ADAMTS18: variants seen among roughly 807,000 people sequenced by gnomAD.
ADAMTS18 encodes the protein ADAM metallopeptidase with thrombospondin type 1 motif 18.
Under a neutral mutation model 165.9 loss-of-function variants are expected in ADAMTS18, and 157 were observed. The ratio of observed to expected loss-of-function variants is 0.95; its 90% CI spans 0.83 to 1.08. The LOEUF is 1.08. ADAMTS18 is among the 50% of genes least tolerant of loss of function. The pLI, the probability that ADAMTS18 is intolerant of heterozygous loss-of-function variation, is 0.00. For synonymous variants in ADAMTS18, 782 were observed against 578.2 expected (o/e 1.35, Z -5.06); for missense variants, 2,040 against 1,534.0 (o/e 1.33, Z -5.51).
intron 3 of ADAMTS18, among the ~76,000 whole-genome samples, chr16:77,417,931 G>A (rs145103513): frequency 2.8e-4 from 42 of 152,310 alleles, no homozygotes; most frequent in Admixed American, 5.2e-4. Flanking sequence ...GAATATAGAG[G>A]ACATTTAACT....
At chr16:77,434,007 A>T (rs1164801861) in intron 2 of ADAMTS18, among the ~76,000 whole-genome samples, 2 of 152,198 alleles carry the variant, frequency 1.3e-5, no homozygotes, top group African/African-American at 4.8e-5. Context: ...AAAAATGAGG[A>T]AAGATGGAGA....
chr16:77,325,072 G>T (rs1159508520), intron 13 of ADAMTS18, among the ~76,000 whole-genome samples: 4 of 152,114 alleles, frequency 2.6e-5, no homozygotes, highest in Admixed American at 2.6e-4. Context: ...ATTAATATAG[G>T]TTCATGTTGC....
intron 3 of ADAMTS18, among the ~76,000 whole-genome samples, chr16:77,372,898 C>A (rs1261942426): frequency 6.6e-6 from 1 of 152,182 alleles, no homozygotes; most frequent in Non-Finnish European, 1.5e-5. Flanking sequence ...CAACTTCTTC[C>A]ATTCACTCTG....
At chr16:77,389,997 C>G (rs2057163992) in intron 3 of ADAMTS18, among the ~76,000 whole-genome samples, 1 of 152,136 alleles carries the variant, frequency 6.6e-6, no homozygotes, top group African/African-American at 2.4e-5. Context: ...AATTCTACAA[C>G]TTGGAATAAA....
At chr16:77,375,732 G>A (rs544268947) in intron 3 of ADAMTS18, among the ~76,000 whole-genome samples, 2 of 152,282 alleles carry the variant, frequency 1.3e-5, no homozygotes, top group Non-Finnish European at 2.9e-5. Flanking sequence ...TTGCTATAAA[G>A]AACTACCTGA....
In ADAMTS18 at chr16:77,322,708, T is replaced by C. The variant is rs1205107051; in HGVS notation, c.2033-242A>G. Among the ~76,000 whole-genome samples, 11 of 152,218 alleles carry C rather than the reference T, an allele frequency of 7.2e-5. No homozygotes were observed. The East Asian group carries it at 1.2e-3, about 16-fold the overall frequency. On this transcript the variant is annotated intron_variant, in intron 13 of 22. Coordinates refer to ENST00000282849, the MANE Select transcript of ADAMTS18 (RefSeq NM_199355.4). ...ATTTTATTTTTCTCATCCTTAGGGA[T>C]AGTCACCATACACATGATCGATGGG...
At chr16:77,374,216 C>G (rs1274363478) in intron 3 of ADAMTS18, among the ~76,000 whole-genome samples, 1 of 138,440 alleles carries the variant, frequency 7.2e-6, no homozygotes, top group East Asian at 2.0e-4. Context: ...GAGACTCCAT[C>G]TCAAAAAAAA....
intron 3 of ADAMTS18, among the ~76,000 whole-genome samples, chr16:77,429,324 C>G (rs2057710480): frequency 6.6e-6 from 1 of 152,192 alleles, no homozygotes; most frequent in Non-Finnish European, 1.5e-5. Context: ...CATTAGCAAA[C>G]TAACGCAGGA....
chr16:77,342,256 A>C (rs188452579), intron 10 of ADAMTS18, among the ~76,000 whole-genome samples: 15 of 152,342 alleles, frequency 9.8e-5, no homozygotes, highest in Admixed American at 7.8e-4. Flanking sequence ...TCAAATGAGC[A>C]CTTGACTCTA....
intron 3 of ADAMTS18, among the ~76,000 whole-genome samples, chr16:77,385,272 T>C (rs905045024): frequency 6.6e-6 from 1 of 152,230 alleles, no homozygotes; most frequent in African/African-American, 2.4e-5. Flanking sequence ...TCCTTTGCTA[T>C]TTAAATTATC....
intron 15 of ADAMTS18, among the ~76,000 whole-genome samples, chr16:77,320,446 C>G (rs949015048): frequency 6.6e-6 from 1 of 152,138 alleles, no homozygotes; most frequent in African/African-American, 2.4e-5. Context: ...TGAGACCAGC[C>G]TGGCCAGTGT....
At chr16:77,403,133 T>C (rs1354428081) in intron 3 of ADAMTS18, among the ~76,000 whole-genome samples, 3 of 152,194 alleles carry the variant, frequency 2.0e-5, no homozygotes, top group Non-Finnish European at 1.5e-5. Flanking sequence ...GTCAAATTTG[T>C]AGTTAAGGCA....
At chr16:77,382,221 T>TAG (rs2057041321) in intron 3 of ADAMTS18, among the ~76,000 whole-genome samples, 3 of 150,840 alleles carry the variant, frequency 2.0e-5, no homozygotes, top group African/African-American at 7.2e-5. Flanking sequence ...GTTTGTTTGT[T>TAG]TGTTTTTTTG....
chr16:77,319,136 G>A (rs1356606590), intron 16 of ADAMTS18, among the ~76,000 whole-genome samples: 3 of 152,064 alleles, frequency 2.0e-5, no homozygotes, highest in Non-Finnish European at 4.4e-5. Flanking sequence ...ATGAAACTCT[G>A]CTGACACCCA....
chr16:77,342,838 C>T (rs1314538574), intron 10 of ADAMTS18, among the ~76,000 whole-genome samples: 1 of 152,092 alleles, frequency 6.6e-6, no homozygotes, highest in Admixed American at 6.6e-5. Context: ...CTAAATTTTC[C>T]AGGTGGGCCT....
chr16:77,429,833 T>A (rs1227455716), intron 3 of ADAMTS18, among the ~76,000 whole-genome samples: 1 of 152,178 alleles, frequency 6.6e-6, no homozygotes, highest in Non-Finnish European at 1.5e-5. Context: ...TATGGCACTT[T>A]CCACATAAGA....
At chr16:77,340,503 CT>C in intron 11 of ADAMTS18, among the ~76,000 whole-genome samples, 1 of 152,252 alleles carries the variant, frequency 6.6e-6, no homozygotes, top group Admixed American at 6.5e-5. Flanking sequence ...AGAAATACAA[CT>C]CTGGTTTATT....
intron 11 of ADAMTS18, 138 bp from the exon 12 acceptor site, chr16:77,336,042 T>G (rs927469210): frequency 5.9e-6 from 6 of 1,020,968 alleles, no homozygotes; most frequent in Non-Finnish European, 7.5e-6. Context: ...GATAAATTCC[T>G]CTGCTGTGCT....
At chr16:77,333,430 C>T (rs745574622) in intron 12 of ADAMTS18, among the ~76,000 whole-genome samples, 2 of 151,154 alleles carry the variant, frequency 1.3e-5, no homozygotes, top group Non-Finnish European at 2.9e-5. Context: ...ATATAACAAA[C>T]CTGCACATTC....
Sources: gnomAD v4.1 joint callset for allele counts (sites outside exome capture counted in the v4.1 genomes callset) on GRCh38, gnomAD v4.1.1 for gene constraint, MANE v1.5 for transcripts, NCBI Gene and HGNC (gene_info 2026-07-23, HGNC 2026-07-21) for gene names.